NAB1: variants seen among roughly 807,000 people sequenced by gnomAD.
NAB1 encodes the protein NGFI-A-binding protein 1.
In NAB1, 25 loss-of-function variants were observed where a neutral mutation model predicts 49.9. The ratio of observed to expected loss-of-function variants is 0.50; its 90% CI spans 0.37 to 0.70. The LOEUF is 0.70. Among genes scored for constraint, NAB1 ranks in the 30% least tolerant of loss-of-function variants. The pLI is 0.00. For synonymous variants in NAB1, 198 were observed against 215.6 expected (o/e 0.92, Z 0.71); for missense variants, 489 against 575.9 (o/e 0.85, Z 1.54).
At chr2:190,661,584 C>A (rs1694230273) in intron 4 of NAB1, among the ~76,000 whole-genome samples, 1 of 152,020 alleles carries the variant, frequency 6.6e-6, no homozygotes, top group African/African-American at 2.4e-5. Flanking sequence ...AAAAATCATA[C>A]CCTACTTTTA....
In NAB1 at chr2:190,651,020, A is replaced by T. The variant is rs917813979; in HGVS notation, c.-197+1038A>T. Among the ~76,000 whole-genome samples the T allele has an allele frequency of 2.6e-5, 4 of 152,188 alleles. No homozygotes were observed. The highest frequency in any genetic ancestry group is 5.9e-5 in the Non-Finnish European group (4 of 68,034). On this transcript the variant is annotated intron_variant, in intron 2 of 9. Transcript: ENST00000337386. This position sits in a 1 kb window ranked among gnomAD's most constrained non-coding sequence, Gnocchi z 4.3. ...AGTTAATATGCCATTTCGAGATTAA[A>T]AATGTTTTTTTCCCGACTCTGATGG... is the stretch of plus-strand genomic sequence containing the variant.
At position 190,675,374 on chromosome 2, in the gene NAB1, T is replaced by G. The variant is rs1695021151; in HGVS notation, c.1005+2222T>G. On this transcript the variant is annotated intron_variant, in intron 6 of 9. Coordinates refer to ENST00000337386, the MANE Select transcript of NAB1 (RefSeq NM_005966.4). The surrounding 1 kb of genome is among the most constrained non-coding windows in gnomAD (Gnocchi z 5.2). ...AGCTGCAGTTGTTTCTTGATGAGTT[T>G]TATTGGTAAGTCTTTCTGACCCTCT... 6.6e-6 allele frequency among the ~76,000 whole-genome samples: 1 copy of G among 152,172 alleles called. No individual in the cohort carries two copies. The highest frequency in any genetic ancestry group is 6.5e-5 in the Admixed American group (1 of 15,280).
rs756898207 is a variant in NAB1 at position 190,659,194 on chromosome 2, C to G, written c.18C>G (p.Pro6=). 30 of 1,613,218 alleles carry G rather than the reference C, an allele frequency of 1.9e-5. No individual in the cohort carries two copies. In the East Asian group the frequency reaches 5.8e-4, roughly 31 times the overall value. Residue 6 remains proline, a synonymous_variant, in exon 4 of 10, where the codon CCC becomes CCG. Transcript: ENST00000337386. This position sits in a 1 kb window ranked among gnomAD's most constrained non-coding sequence, Gnocchi z 6.2. ...CCAGAGTAATGGCTGCGGCCTTACC[C>G]AGGACCCTGGGGGAGTTGCAGCTGT... MAAAL[P]RTLGELQLYR...
intron 2 of NAB1, among the ~76,000 whole-genome samples, chr2:190,650,834 G>A (rs1341645862): frequency 6.6e-6 from 1 of 152,116 alleles, no homozygotes; most frequent in East Asian, 1.9e-4. Flanking sequence ...ATACAAATAA[G>A]GGTTTTCTTG....
chr2:190,665,021 T>C (rs949027583), intron 4 of NAB1, among the ~76,000 whole-genome samples: 33 of 152,336 alleles, frequency 2.2e-4, no homozygotes, highest in African/African-American at 7.7e-4. Context: ...AGGATTTTCT[T>C]AATGAAGGCC....
rs1474359305 is a variant in NAB1 at position 190,682,589 on chromosome 2, T to TA, written c.1006-1143dup. 6.6e-6 allele frequency among the ~76,000 whole-genome samples: 1 copy of TA among 152,196 alleles called. No homozygotes were observed. The highest frequency in any genetic ancestry group is 1.5e-5 in the Non-Finnish European group (1 of 68,032). On this transcript the variant is annotated intron_variant, in intron 6 of 9. Coordinates refer to ENST00000337386, the MANE Select transcript of NAB1 (RefSeq NM_005966.4). This position sits in a 1 kb window ranked among gnomAD's most constrained non-coding sequence, Gnocchi z 4.1. ...TTCAGATAGGTCAGAGGGTTAAATT[T>TA]AAAAAACAAATCAAACTTTTAGAAA...
Position 190,657,019 on chromosome 2 carries a change from T to C in NAB1, c.-20+866T>C, listed in dbSNP as rs1167729582. Among the ~76,000 whole-genome samples, 1 of 152,202 alleles carries C rather than the reference T, an allele frequency of 6.6e-6. No homozygotes were observed. Among genetic ancestry groups the C allele is most frequent in the East Asian group, 1.9e-4 (1 of 5,198 alleles). ...CCACAGTCTATTTTGATCATGTGTA[T>C]GTATATACACATTACACATGTACTT... On this transcript the variant is annotated intron_variant, in intron 3 of 9. Transcript: ENST00000337386. The surrounding 1 kb of genome is among the most constrained non-coding windows in gnomAD (Gnocchi z 4.4).
At chr2:190,671,403 A>T (rs1034998188) in intron 5 of NAB1, among the ~76,000 whole-genome samples, 2 of 152,100 alleles carry the variant, frequency 1.3e-5, no homozygotes, top group Non-Finnish European at 2.9e-5. Flanking sequence ...GTCAGTACCT[A>T]CGTATTTATA....
Position 190,670,210 on chromosome 2 carries a change from A to G in NAB1, c.820-116A>G, listed in dbSNP as rs1694733833. On this transcript the variant is annotated intron_variant, in intron 4 of 9. Coordinates refer to ENST00000337386, the MANE Select transcript of NAB1 (RefSeq NM_005966.4). The surrounding 1 kb of genome is among the most constrained non-coding windows in gnomAD (Gnocchi z 5.3). ...AGGAATAAATACCATTCTGATTTTTATGAATAATGATTCCATTATATAATG... is the reference window on the plus strand; with the variant it reads ...AGGAATAAATACCATTCTGATTTTTGTGAATAATGATTCCATTATATAATG... The G allele has an allele frequency of 3.0e-6, 3 of 1,007,272 alleles. No individual in the cohort carries two copies. Among genetic ancestry groups the G allele is most frequent in the South Asian group, 2.0e-5 (1 of 49,172 alleles). 62.4% of individuals were successfully genotyped at this position (1,007,272 alleles called of 1,614,324 possible).
chr2:190,672,739 G>T, intron 5 of NAB1, among the ~76,000 whole-genome samples: 1 of 152,002 alleles, frequency 6.6e-6, no homozygotes, highest in East Asian at 1.9e-4. Context: ...AATTTGGAAG[G>T]CTGAGGTGGG....
chr2:190,687,644 A>G (rs1379660545), intron 9 of NAB1, among the ~76,000 whole-genome samples: 2 of 152,148 alleles, frequency 1.3e-5, no homozygotes, highest in African/African-American at 4.8e-5. Flanking sequence ...TGGATAAGGG[A>G]TGCTCAATTG....
rs1423377296 is a variant in NAB1, at chr2:190,669,241, C to T, written c.820-1085C>T. On this transcript the variant is annotated intron_variant, in intron 4 of 9. Transcript: ENST00000337386. The surrounding 1 kb of genome is among the most constrained non-coding windows in gnomAD (Gnocchi z 4.3). ...TTTTTCATTTAATATTTTTGGGTCC[C>T]AGTTGACCACAGGTAACTGAAACCT... is the stretch of plus-strand genomic sequence containing the variant. 6.6e-6 allele frequency among the ~76,000 whole-genome samples: 1 copy of T among 152,170 alleles called. No homozygotes were observed. The highest frequency in any genetic ancestry group is 1.5e-5 in the Non-Finnish European group (1 of 68,032).
chr2:190,662,950 G>T (rs938582834), intron 4 of NAB1, among the ~76,000 whole-genome samples: 1 of 152,188 alleles, frequency 6.6e-6, no homozygotes, highest in Admixed American at 6.5e-5. Flanking sequence ...GCTTAGGTCA[G>T]TTTCCATTAT....
chr2:190,673,286 A>T, intron 6 of NAB1, 134 bp downstream of exon 6: 1 of 776,834 alleles, frequency 1.3e-6, no homozygotes, highest in South Asian at 1.6e-5. Context: ...TAAATCTTTT[A>T]AAAATATAGA....
At chr2:190,659,000 G>A in intron 3 of NAB1, 158 bp from the exon 4 acceptor site, 1 of 571,814 alleles carries the variant, frequency 1.7e-6, no homozygotes, top group South Asian at 2.5e-5. Flanking sequence ...TAGGAGTTCA[G>A]AATGAGATAA....
At position 190,690,780 on chromosome 2, in the gene NAB1, C is replaced by T. The variant is rs1695909198; in HGVS notation, c.*447C>T. 6.5e-6 allele frequency: 1 copy of T among 153,160 alleles called. No individual in the cohort carries two copies. The highest frequency in any genetic ancestry group is 2.4e-5 in the African/African-American group (1 of 41,452). 9.5% of individuals were successfully genotyped at this position (153,160 alleles called of 1,614,324 possible). ...GTAAATATATGTCAGAGTTTAGAAT[C>T]TGCCTGCAGTTGTGAAAAAGAAAGC... On this transcript the variant is annotated 3_prime_UTR_variant, in exon 10 of 10. Transcript: ENST00000337386.
At chr2:190,687,136 T>C in intron 8 of NAB1, 65 bp from the exon 9 acceptor site, 1 of 1,083,504 alleles carries the variant, frequency 9.2e-7, no homozygotes, top group Non-Finnish European at 1.3e-6. Flanking sequence ...CAGGCAAAAT[T>C]TATTTTTAAG....
chr2:190,680,146 C>G lies in NAB1; in HGVS notation c.1006-3592C>G, dbSNP rs950367021. 2.0e-5 allele frequency among the ~76,000 whole-genome samples: 3 copies of G among 152,206 alleles called. No individual in the cohort carries two copies. The highest frequency in any genetic ancestry group is 7.2e-5 in the African/African-American group (3 of 41,456). ...GTCACCACCCTGAACTCCCCTCCTC[C>G]GCGTACATTCTCCCCATCACATTCA... On this transcript the variant is annotated intron_variant, in intron 6 of 9. Coordinates refer to ENST00000337386, the MANE Select transcript of NAB1 (RefSeq NM_005966.4). The surrounding 1 kb of genome is among the most constrained non-coding windows in gnomAD (Gnocchi z 5.2).
Position 190,654,589 on chromosome 2 carries a change from G to T in NAB1, c.-196-1388G>T, listed in dbSNP as rs1322588232. ...AAGTATATGGGCATGTTAAGGAACA[G>T]AGAGAAGGCTGGAAAGATAGGCTTG... On this transcript the variant is annotated intron_variant, in intron 2 of 9. Transcript: ENST00000337386. The surrounding 1 kb of genome is among the most constrained non-coding windows in gnomAD (Gnocchi z 5.6). Among the ~76,000 whole-genome samples, 1 of 152,172 alleles carries T rather than the reference G, an allele frequency of 6.6e-6. No individual in the cohort carries two copies. The highest frequency in any genetic ancestry group is 2.4e-5 in the African/African-American group (1 of 41,438).
Sources: gnomAD v4.1 joint callset for allele counts (sites outside exome capture counted in the v4.1 genomes callset) on GRCh38, gnomAD v4.1.1 for gene constraint, Gnocchi (gnomAD v3.1) non-coding constraint, MANE v1.5 for transcripts, NCBI Gene and HGNC (gene_info 2026-07-23, HGNC 2026-07-21) for gene names.